The following IL1R1 variants were observed in gnomAD, a reference collection of about 807,000 sequenced individuals.
The protein encoded by IL1R1 is interleukin-1 receptor type 1.
A neutral mutation model predicts 50.2 loss-of-function variants in IL1R1; 22 were observed. The ratio of observed to expected loss-of-function variants is 0.44; its 90% CI spans 0.31 to 0.63. The LOEUF (loss-of-function observed/expected upper bound fraction) is 0.63, where lower values mean the gene tolerates loss of function less well. IL1R1 is among the 20% of genes least tolerant of loss of function. The probability of loss-of-function intolerance (pLI) is 0.07; values close to 1 mark genes in which losing one functional copy is unlikely to be tolerated. For synonymous variants in IL1R1, 251 were observed against 236.7 expected (o/e 1.06, Z -0.55); for missense variants, 509 against 676.2 (o/e 0.75, Z 2.74).
At chr2:102,111,184 G>A (rs948907148) in intron 1 of IL1R1, among the ~76,000 whole-genome samples, 2 of 152,196 alleles carry the variant, frequency 1.3e-5, no homozygotes, top group African/African-American at 4.8e-5. Flanking sequence ...GTTGACTGTA[G>A]TCATGGGCTG....
At chr2:102,116,307 A>G (rs1681070010) in intron 1 of IL1R1, among the ~76,000 whole-genome samples, 1 of 152,204 alleles carries the variant, frequency 6.6e-6, no homozygotes, top group South Asian at 2.1e-4. Context: ...TGAACCCTGG[A>G]GATGGAAAGA....
chr2:102,124,352 G>C (rs1681571669), intron 1 of IL1R1, among the ~76,000 whole-genome samples: 2 of 151,868 alleles, frequency 1.3e-5, no homozygotes, highest in Non-Finnish European at 2.9e-5. Flanking sequence ...CCCAGGAGGT[G>C]GAGGATGCAG....
rs55654747 is a variant in IL1R1, at chr2:102,176,726, A to G, written c.1677A>G (p.Lys559=). 674 of 1,614,128 alleles carry G rather than the reference A, an allele frequency of 4.2e-4. 3 individuals carry two copies. The East Asian group carries it at 0.012, about 30-fold the overall frequency. Residue 559 remains lysine, a synonymous_variant, in exon 12 of 12, where the codon AAA becomes AAG. Transcript: ENST00000410023. ...HQLLSPATKE[K]LQREAHVPLG ...TACTGTCACCAGCCACTAAGGAGAA[A>G]CTGCAAAGAGAGGCTCACGTGCCTC...
rs1273785486 is a variant in IL1R1 at position 102,089,336 on chromosome 2, GA to G, written c.-84+18804del. Among the ~76,000 whole-genome samples the G allele has an allele frequency of 7.2e-5, 11 of 152,302 alleles. No individual in the cohort carries two copies. In the South Asian group the frequency reaches 2.1e-3, roughly 29 times the overall value. On this transcript the variant is annotated intron_variant, in intron 1 of 11. Transcript: ENST00000409929. ...ATAGGAAGGAGACAGAGAGATGGGG[GA>G]GTAGCTGGTCTGTGGGACAGTCAGA...
At chr2:102,131,213 G>A (rs1682011727) in intron 1 of IL1R1, among the ~76,000 whole-genome samples, 1 of 152,088 alleles carries the variant, frequency 6.6e-6, no homozygotes, top group Non-Finnish European at 1.5e-5. Flanking sequence ...ATGGTGCTGT[G>A]GTCCTGTCTG....
intron 1 of IL1R1, among the ~76,000 whole-genome samples, chr2:102,108,757 T>C (rs953408292): frequency 6.6e-6 from 1 of 152,090 alleles, no homozygotes; most frequent in African/African-American, 2.4e-5. Context: ...ATTAAACAAA[T>C]GAATGCAAGC....
At chr2:102,124,850 G>C (rs1178140211) in intron 1 of IL1R1, among the ~76,000 whole-genome samples, 1 of 150,996 alleles carries the variant, frequency 6.6e-6, no homozygotes, top group Admixed American at 6.6e-5. Flanking sequence ...TGGGAGGCGG[G>C]GGTTGCAGTG....
At chr2:102,084,874 A>T (rs1190079127) in intron 1 of IL1R1, among the ~76,000 whole-genome samples, 2 of 152,226 alleles carry the variant, frequency 1.3e-5, no homozygotes, top group East Asian at 3.8e-4. Context: ...GTTCCAGCTG[A>T]TGGAAATCTT....
chr2:102,083,339 T>C (rs575835694), intron 1 of IL1R1, among the ~76,000 whole-genome samples: 5 of 152,172 alleles, frequency 3.3e-5, no homozygotes, highest in Non-Finnish European at 7.3e-5. Flanking sequence ...AGAACTTTTT[T>C]TTTCCTTTTG....
chr2:102,152,842 A>G (rs3917225), intron 1 of IL1R1, among the ~76,000 whole-genome samples: 54,416 of 151,958 alleles, frequency 0.36, 11,662 homozygotes, highest in Admixed American at 0.45. Flanking sequence ...ACTGCCTCAA[A>G]GTGAATAATA....
At chr2:102,149,469 G>A (rs1379627650) in intron 1 of IL1R1, among the ~76,000 whole-genome samples, 1 of 152,170 alleles carries the variant, frequency 6.6e-6, no homozygotes, top group Non-Finnish European at 1.5e-5. Flanking sequence ...ATGCCTTGGC[G>A]GGCTCTGCTC....
At chr2:102,154,817 C>G (rs1684020784) in intron 2 of IL1R1, among the ~76,000 whole-genome samples, 2 of 152,246 alleles carry the variant, frequency 1.3e-5, no homozygotes, top group Non-Finnish European at 2.9e-5. Flanking sequence ...CAGCAAACCT[C>G]TGCATGTTGT....
At chr2:102,072,969 G>A (rs865990361) in intron 1 of IL1R1, among the ~76,000 whole-genome samples, 1 of 152,092 alleles carries the variant, frequency 6.6e-6, no homozygotes, top group Non-Finnish European at 1.5e-5. Context: ...ACAGCTCCTG[G>A]GGCTGTGGGT....
At chr2:102,105,198 G>T (rs547251429) in intron 1 of IL1R1, among the ~76,000 whole-genome samples, 56 of 152,232 alleles carry the variant, frequency 3.7e-4, no homozygotes, top group African/African-American at 1.3e-3. Context: ...ATGACTTTTG[G>T]TATGTGGTGA....
chr2:102,162,236 A>T (rs1442683325), intron 3 of IL1R1, among the ~76,000 whole-genome samples: 2 of 152,104 alleles, frequency 1.3e-5, no homozygotes, highest in African/African-American at 2.4e-5. Flanking sequence ...TAGCCTGGCA[A>T]ATATTTTTCT....
intron 3 of IL1R1, among the ~76,000 whole-genome samples, chr2:102,159,565 G>C (rs1433009918): frequency 2.6e-5 from 4 of 152,192 alleles, no homozygotes; most frequent in Non-Finnish European, 5.9e-5. Flanking sequence ...CCCTCTGGAG[G>C]TTATGGCTCT....
At chr2:102,173,696 T>C (rs965270751) in intron 9 of IL1R1, among the ~76,000 whole-genome samples, 12 of 152,204 alleles carry the variant, frequency 7.9e-5, no homozygotes, top group African/African-American at 2.9e-4. Context: ...TTCCAAAAAA[T>C]TTCAATCAAA....
chr2:102,172,410 C>T (rs1008426337), intron 8 of IL1R1: 1 of 985,312 alleles, frequency 1.0e-6, no homozygotes, highest in Non-Finnish European at 1.2e-6. Context: ...CCTCTGTGCC[C>T]CATGGAGAAC....
At chr2:102,099,513 C>T (rs1405268704) in intron 1 of IL1R1, among the ~76,000 whole-genome samples, 2 of 152,296 alleles carry the variant, frequency 1.3e-5, no homozygotes, top group East Asian at 3.9e-4. Context: ...GGTCTGGTGG[C>T]TACCAGGTGT....
Sources: gnomAD v4.1 joint callset for allele counts (sites outside exome capture counted in the v4.1 genomes callset) on GRCh38, gnomAD v4.1.1 for gene constraint, MANE v1.5 for transcripts, NCBI Gene and HGNC (gene_info 2026-07-23, HGNC 2026-07-21) for gene names.